The following FBLN2 variants were observed in gnomAD, a reference collection of about 807,000 sequenced individuals.
The protein encoded by FBLN2 is fibulin-2.
A neutral mutation model predicts 123.7 loss-of-function variants in FBLN2; 81 were observed. The observed-to-expected ratio is 0.65, with a 90% CI of 0.55 to 0.79. FBLN2 has a LOEUF of 0.79. Ranked by LOEUF, FBLN2 falls within the 30% of genes least tolerant of loss-of-function variation. The pLI is 0.00. For synonymous variants in FBLN2, 699 were observed against 701.4 expected (o/e 1.00, Z 0.05); for missense variants, 1,603 against 1,681.3 (o/e 0.95, Z 0.81).
At chr3:13,567,338 G>A (rs1703779223) in intron 1 of FBLN2, among the ~76,000 whole-genome samples, 1 of 152,180 alleles carries the variant, frequency 6.6e-6, no homozygotes, top group Admixed American at 6.5e-5. Flanking sequence ...AGGGCAGGGA[G>A]CTTGGGTCTC....
chr3:13,579,109 T>G (rs184584421), intron 2 of FBLN2, among the ~76,000 whole-genome samples: 1 of 152,282 alleles, frequency 6.6e-6, no homozygotes, highest in East Asian at 1.9e-4. Flanking sequence ...CATTTTACAT[T>G]CCCACCGGCA....
At position 13,638,295 on chromosome 3, in the gene FBLN2, T is replaced by G. The variant is rs1706552441; in HGVS notation, c.*376T>G. The G allele has an allele frequency of 2.2e-6, 1 of 444,952 alleles. No homozygotes were observed. The highest frequency in any genetic ancestry group is 1.8e-5 in the South Asian group (1 of 54,394). The allele number at this position is 444,952 out of a possible 1,614,324, so 27.6% of individuals were successfully genotyped here. ...GTTCCACTGTGATTAATTCTTTTCT[T>G]TTTTAAAAAATCATTTTAAAGTTTT... On this transcript the variant is annotated 3_prime_UTR_variant, in exon 18 of 18. Coordinates refer to ENST00000404922, the MANE Select transcript of FBLN2 (RefSeq NM_001004019.2).
Position 13,637,951 on chromosome 3 carries a change from G to T in FBLN2, c.*32G>T, listed in dbSNP as rs576053173. The T allele has an allele frequency of 1.3e-6, 2 of 1,523,482 alleles. No individual in the cohort carries two copies. Among genetic ancestry groups the T allele is most frequent in the African/African-American group, 1.4e-5 (1 of 72,714 alleles). The allele number at this position is 1,523,482 out of a possible 1,614,324, so 94.4% of individuals were successfully genotyped here. On this transcript the variant is annotated 3_prime_UTR_variant, in exon 18 of 18. Coordinates refer to ENST00000404922, the MANE Select transcript of FBLN2 (RefSeq NM_001004019.2). ...AGCACGGGCCACCTGCGGGTGTGGCGCAGCCCAGGGCTCACACTGCGTGGG... is the reference window on the plus strand; with the variant it reads ...AGCACGGGCCACCTGCGGGTGTGGCTCAGCCCAGGGCTCACACTGCGTGGG...
intron 2 of FBLN2, among the ~76,000 whole-genome samples, chr3:13,588,618 C>T (rs1032431605): frequency 3.3e-5 from 5 of 152,210 alleles, no homozygotes; most frequent in Non-Finnish European, 7.3e-5. Flanking sequence ...AACGCCTCCC[C>T]GGCCAGCACG....
intron 2 of FBLN2, 28 bp downstream of exon 2, chr3:13,571,689 GCA>G (rs761948957): frequency 1.3e-6 from 2 of 1,514,086 alleles, no homozygotes; most frequent in African/African-American, 2.8e-5. Context: ...TTCCTTCAGG[GCA>G]CTTTGTGTGG....
chr3:13,636,114 A>G (rs970524106), intron 16 of FBLN2, among the ~76,000 whole-genome samples: 1 of 152,234 alleles, frequency 6.6e-6, no homozygotes, highest in Non-Finnish European at 1.5e-5. Context: ...GATGTCCAGC[A>G]GGACTGTGGC....
intron 1 of FBLN2, among the ~76,000 whole-genome samples, chr3:13,549,854 T>C (rs1703276055): frequency 6.6e-6 from 1 of 151,980 alleles, no homozygotes; most frequent in Admixed American, 6.6e-5. Context: ...CACGTCCCCT[T>C]AGCACACAAT....
chr3:13,583,698 C>G (rs978411865), intron 2 of FBLN2, among the ~76,000 whole-genome samples: 1 of 152,228 alleles, frequency 6.6e-6, no homozygotes, highest in Non-Finnish European at 1.5e-5. Context: ...CAAGTATAGT[C>G]AAGGGCCACA....
intron 2 of FBLN2, among the ~76,000 whole-genome samples, chr3:13,594,311 G>T (rs1406983066): frequency 6.6e-6 from 1 of 152,160 alleles, no homozygotes; most frequent in Non-Finnish European, 1.5e-5. Flanking sequence ...GTGCTGGGCA[G>T]GGCAGAGGTC....
intron 1 of FBLN2, among the ~76,000 whole-genome samples, chr3:13,554,754 C>T (rs1301694299): frequency 2.0e-5 from 3 of 152,056 alleles, no homozygotes; most frequent in Admixed American, 2.0e-4. Context: ...CTGGTAGAGG[C>T]AGAGGGCTTC....
chr3:13,613,619 C>G (rs975991949), intron 4 of FBLN2, among the ~76,000 whole-genome samples: 16 of 152,118 alleles, frequency 1.1e-4, no homozygotes, highest in African/African-American at 3.9e-4. Context: ...AGTTTAAAGC[C>G]CTCCTGAAGG....
intron 5 of FBLN2, among the ~76,000 whole-genome samples, chr3:13,617,609 A>G (rs1705670531): frequency 6.9e-6 from 1 of 144,212 alleles, no homozygotes; most frequent in South Asian, 2.3e-4. Flanking sequence ...CCATCCATCC[A>G]TCCATCCATC....
intron 13 of FBLN2, 82 bp from the exon 14 acceptor site, chr3:13,629,738 T>G: frequency 6.7e-7 from 1 of 1,494,754 alleles, no homozygotes; most frequent in Non-Finnish European, 8.9e-7. Flanking sequence ...TAGCCTCCCC[T>G]TCGGCCCTGG....
intron 4 of FBLN2, among the ~76,000 whole-genome samples, chr3:13,611,583 A>G (rs1040715866): frequency 2.6e-5 from 4 of 152,238 alleles, no homozygotes; most frequent in African/African-American, 7.2e-5. Context: ...AGGTTCATCC[A>G]TGCCATGTGT....
intron 2 of FBLN2, among the ~76,000 whole-genome samples, chr3:13,592,524 A>C (rs1704710356): frequency 6.6e-6 from 1 of 152,204 alleles, no homozygotes; most frequent in African/African-American, 2.4e-5. Context: ...CCCTTTTAAA[A>C]GGCTGCTAGC....
intron 1 of FBLN2, among the ~76,000 whole-genome samples, chr3:13,565,132 C>G (rs902027831): frequency 1.3e-5 from 2 of 152,208 alleles, no homozygotes; most frequent in African/African-American, 2.4e-5. Flanking sequence ...CTGAATGTCT[C>G]TCCGCCCCCA....
At chr3:13,574,422 G>A (rs953933014) in intron 2 of FBLN2, among the ~76,000 whole-genome samples, 1 of 152,192 alleles carries the variant, frequency 6.6e-6, no homozygotes, top group Non-Finnish European at 1.5e-5. Context: ...CCGCCCTCAC[G>A]AAGCCCCTTG....
At chr3:13,604,163 T>G (rs2124874320) in intron 2 of FBLN2, among the ~76,000 whole-genome samples, 1 of 152,324 alleles carries the variant, frequency 6.6e-6, no homozygotes, top group Non-Finnish European at 1.5e-5. Flanking sequence ...ATTGCAAAAA[T>G]TTTCTCCCAT....
chr3:13,624,645 G>A (rs572527566), intron 9 of FBLN2, among the ~76,000 whole-genome samples: 7 of 152,282 alleles, frequency 4.6e-5, no homozygotes, highest in South Asian at 2.1e-4. Context: ...GACTCAGCTC[G>A]AATGTCACCA....
Sources: allele counts gnomAD v4.1 joint callset (sites outside exome capture counted in the v4.1 genomes callset), GRCh38; gene constraint gnomAD v4.1.1; transcripts MANE v1.5; gene names NCBI Gene and HGNC (gene_info 2026-07-23, HGNC 2026-07-21).